The following SPG7 variants were observed in gnomAD, a reference collection of about 807,000 sequenced individuals.
SPG7 encodes the protein mitochondrial inner membrane m-AAA protease component paraplegin.
A neutral mutation model predicts 81.9 loss-of-function variants in SPG7; 103 were observed. The observed-to-expected ratio is 1.26, with a 90% CI of 1.07 to 1.48. SPG7 has a LOEUF of 1.48. SPG7 is among the 40% of genes most tolerant of loss of function. SPG7 has a pLI of 0.00. For synonymous variants in SPG7, 534 were observed against 444.2 expected (o/e 1.20, Z -2.54); for missense variants, 1,241 against 1,087.3 (o/e 1.14, Z -1.99).
At chr16:89,532,889 G>A (rs774636877) in intron 9 of SPG7, 1 of 503,942 alleles carries the variant, frequency 2.0e-6, no homozygotes, top group Non-Finnish European at 3.6e-6. Flanking sequence ...TTCATGAGCA[G>A]CCTGGCCAAC....
chr16:89,538,751 T>A (rs551431257), intron 9 of SPG7: 2 of 152,432 alleles, frequency 1.3e-5, no homozygotes, highest in Non-Finnish European at 2.9e-5. Context: ...CACATGCGTC[T>A]CCAACAGGGA....
chr16:89,554,051 C>A, intron 15 of SPG7, 91 bp downstream of exon 15: 1 of 1,365,116 alleles, frequency 7.3e-7, no homozygotes, highest in East Asian at 2.4e-5. Flanking sequence ...ACGGCCGCCC[C>A]AGCGGAGCTC....
rs771040074 is a variant in SPG7, at chr16:89,513,033, C to T, written c.372C>T (p.Asp124=). The change falls in exon 3 of 17, where the codon GAC becomes GAT. Residue 124 remains aspartate (D), a synonymous_variant. Transcript: ENST00000645818. The part of the protein sequence containing the change: ...DKSKGKAPEE[D]EEERRRRERD... ...CGAAGGGGAAGGCGCCTGAAGAGGA[C>T]GAAGGTATATTCATCTGATGTTCTT... 1.6e-5 allele frequency: 25 copies of T among 1,606,594 alleles called. No homozygotes were observed. In the East Asian group the frequency reaches 2.5e-4, roughly 16 times the overall value.
chr16:89,554,622 C>A, intron 16 of SPG7, 59 bp downstream of exon 16: 1 of 1,124,412 alleles, frequency 8.9e-7, no homozygotes, highest in Non-Finnish European at 1.3e-6. Flanking sequence ...ACAGCACCCA[C>A]GGTCCCCACC....
chr16:89,536,788 T>A, intron 9 of SPG7: 1 of 1,614,050 alleles, frequency 6.2e-7, no homozygotes. Context: ...CCAGCTACCC[T>A]CCCAGGGGAC....
intron 5 of SPG7, chr16:89,526,809 G>C: frequency 2.9e-6 from 1 of 350,438 alleles, no homozygotes; most frequent in Non-Finnish European, 5.5e-6. Flanking sequence ...AGCCCCCGAC[G>C]TAGGATGGCG....
rs1401852239 is a variant in SPG7, at chr16:89,532,562, G to A, written c.1250G>A (p.Arg417His). Reference protein sequence around the residue: ...IDEIDAVGKKRSTTMSGFSNT... With the variant: ...IDEIDAVGKKHSTTMSGFSNT... ...GAGATCGACGCGGTGGGCAAGAAGC[G>A]CTCCACCACCATGTCCGGCTTCTCC... The change falls in exon 9 of 17, where the codon CGC becomes CAC. Residue 417 changes from arginine (R) to histidine (H), a missense_variant. Coordinates refer to ENST00000645818, the MANE Select transcript of SPG7 (RefSeq NM_003119.4). 3.1e-6 allele frequency: 5 copies of A among 1,613,786 alleles called. No homozygotes were observed. The highest frequency in any genetic ancestry group is 4.2e-6 in the Non-Finnish European group (5 of 1,180,040).
rs554493010 is a variant in SPG7 at position 89,550,149 on chromosome 16, G to A, written c.1664-345G>A. 157 of 356,696 alleles carry A rather than the reference G, an allele frequency of 4.4e-4. 1 individual carries two copies. Among genetic ancestry groups the A allele is most frequent in the African/African-American group, 3.2e-3 (148 of 46,866 alleles). The allele number at this position is 356,696 out of a possible 1,614,324, so 22.1% of individuals were successfully genotyped here. ...AGGGCCCAGCCAGGGAGAGGCCGGGGTCTCAGCTCACCCCCCCGTCATTCT... is the reference window on the plus strand; with the variant it reads ...AGGGCCCAGCCAGGGAGAGGCCGGGATCTCAGCTCACCCCCCCGTCATTCT... On this transcript the variant is annotated intron_variant, in intron 12 of 16. Coordinates refer to ENST00000645818, the MANE Select transcript of SPG7 (RefSeq NM_003119.4).
At chr16:89,531,707 G>C (rs551048238) in intron 7 of SPG7, 197 bp from the exon 8 acceptor site, 139 of 610,674 alleles carry the variant, frequency 2.3e-4, no homozygotes, top group Non-Finnish European at 3.4e-4. Context: ...TGGGCGTGGT[G>C]CCACATGCCT....
intron 6 of SPG7, 195 bp downstream of exon 6, chr16:89,529,774 G>A: frequency 1.5e-6 from 1 of 647,548 alleles, no homozygotes; most frequent in Admixed American, 2.1e-5. Context: ...TTGCCTGAGG[G>A]CCTCTCACCC....
chr16:89,523,539 A>G, intron 3 of SPG7: 1 of 360,616 alleles, frequency 2.8e-6, no homozygotes. Flanking sequence ...TGCACTTTGC[A>G]GCAGGAGAGC....
In SPG7 at chr16:89,554,488, A is replaced by G. The variant is rs755763500; in HGVS notation, c.2106A>G (p.Glu702=). ...SQGLQQMMDH[E]ARLLVAKAYR... Reference sequence around the variant, plus strand: ...GACACAGTTCCCTCCACTCACAGGAAGCAAGACTGCTGGTGGCCAAGGCCT... The same window carrying G: ...GACACAGTTCCCTCCACTCACAGGAGGCAAGACTGCTGGTGGCCAAGGCCT... The change falls in exon 16 of 17, where the codon GAA becomes GAG. Residue 702 remains glutamate (E), a splice_region_variant and synonymous_variant. Coordinates refer to ENST00000645818, the MANE Select transcript of SPG7 (RefSeq NM_003119.4). The G allele has an allele frequency of 1.5e-5, 24 of 1,607,774 alleles. 2 individuals are homozygous for G. The East Asian group carries it at 5.1e-4, about 34-fold the overall frequency.
chr16:89,528,419 A>G (rs1052430832), intron 5 of SPG7, among the ~76,000 whole-genome samples: 5 of 147,788 alleles, frequency 3.4e-5, no homozygotes, highest in African/African-American at 1.2e-4. Flanking sequence ...AAAGAAGAAG[A>G]TGGAGGTTTG....
chr16:89,544,738 A>G lies in SPG7; in HGVS notation c.1415A>G (p.Asp472Gly), dbSNP rs777935431. 9.3e-6 allele frequency: 15 copies of G among 1,613,956 alleles called. No individual in the cohort carries two copies. The highest frequency in any genetic ancestry group is 1.3e-5 in the African/African-American group (1 of 74,918). The change falls in exon 10 of 17, where the codon GAC (aspartate) becomes GGC (glycine). Residue 472 changes from aspartate (D) to glycine (G), a missense_variant. Coordinates refer to ENST00000645818, the MANE Select transcript of SPG7 (RefSeq NM_003119.4). The part of the protein sequence containing the change: ...DGALMRPGRL[D>G]RHVFIDLPTL... ...GCTCTGATGAGGCCAGGCCGACTGG[A>G]CCGGCACGTCTTCATTGATCTCCCC... is the stretch of plus-strand genomic sequence containing the variant.
chr16:89,548,320 G>A (rs902466152), intron 12 of SPG7: 10 of 539,308 alleles, frequency 1.9e-5, no homozygotes, highest in Non-Finnish European at 3.0e-5. Context: ...AAGAGTAGAC[G>A]CTCGTCCAAC....
At chr16:89,525,531 C>T (rs1354322940) in intron 4 of SPG7, among the ~76,000 whole-genome samples, 8 of 152,192 alleles carry the variant, frequency 5.3e-5, no homozygotes, top group Non-Finnish European at 1.0e-4. Flanking sequence ...CACCCCTCAT[C>T]CCTGTCCTCT....
At chr16:89,555,663 G>T (rs1429891711) in intron 16 of SPG7, 4 of 390,168 alleles carry the variant, frequency 1.0e-5, no homozygotes, top group Non-Finnish European at 1.8e-5. Context: ...CAGTTTTGAG[G>T]ATTGGTCTCA....
chr16:89,530,706 C>A lies in SPG7; in HGVS notation c.885C>A (p.Phe295Leu), dbSNP rs1297527194. 2 of 1,614,110 alleles carry A rather than the reference C, an allele frequency of 1.2e-6. No individual in the cohort carries two copies. Among genetic ancestry groups the A allele is most frequent in the Admixed American group, 3.3e-5 (2 of 60,014 alleles). The change falls in exon 7 of 17, where the codon TTC becomes TTA. Residue 295 changes from phenylalanine to leucine, a missense_variant. By Grantham distance (22) the Phe-to-Leu change is conservative. Coordinates refer to ENST00000645818, the MANE Select transcript of SPG7 (RefSeq NM_003119.4). ...SAFNQLKMARFTIVDGKMGKG... is the reference protein window; with the variant it reads ...SAFNQLKMARLTIVDGKMGKG... ...AGAATCAGCTTAAAATGGCTCGTTT[C>A]ACCATTGTGGATGGGAAGATGGGGA...
At chr16:89,530,832 G>A (rs2058332024) in intron 7 of SPG7, 24 bp downstream of exon 7, 2 of 1,613,488 alleles carry the variant, frequency 1.2e-6, no homozygotes, top group African/African-American at 2.7e-5. Context: ...GGGCCGGGAG[G>A]GAGGTGTGAG....
Sources: gnomAD v4.1 joint callset for allele counts (sites outside exome capture counted in the v4.1 genomes callset) on GRCh38, gnomAD v4.1.1 for gene constraint, MANE v1.5 for transcripts, NCBI Gene and HGNC (gene_info 2026-07-23, HGNC 2026-07-21) for gene names.